Variants in ALDH7A1 observed in about 807,000 individuals in gnomAD.
ALDH7A1 encodes alpha-aminoadipic semialdehyde dehydrogenase.
A neutral mutation model predicts 79.9 loss-of-function variants in ALDH7A1; 63 were observed. That is an observed-to-expected ratio of 0.79 (90% CI 0.64 to 0.97). The LOEUF (loss-of-function observed/expected upper bound fraction) is 0.97. Among genes scored for constraint, ALDH7A1 ranks in the 50% least tolerant of loss-of-function variants. The pLI, the probability that ALDH7A1 is intolerant of heterozygous loss-of-function variation, is 0.00. For missense variants in ALDH7A1, 627 were observed against 665.2 expected (o/e 0.94, Z 0.63); for synonymous variants, 240 against 231.2 (o/e 1.04, Z -0.34).
chr5:126,589,738 G>A (rs1050208114), intron 3 of ALDH7A1, among the ~76,000 whole-genome samples: 1 of 151,426 alleles, frequency 6.6e-6, no homozygotes, highest in African/African-American at 2.4e-5. Context: ...CATCTGGGAA[G>A]TGAGGAGTGC....
intron 10 of ALDH7A1, among the ~76,000 whole-genome samples, chr5:126,559,920 A>G (rs919952862): frequency 1.3e-5 from 2 of 150,440 alleles, no homozygotes; most frequent in African/African-American, 4.9e-5. Flanking sequence ...TGGCCTCTTC[A>G]TCTTTTATTT....
chr5:126,560,326 C>T (rs893743885), intron 10 of ALDH7A1, among the ~76,000 whole-genome samples: 1 of 152,110 alleles, frequency 6.6e-6, no homozygotes, highest in African/African-American at 2.4e-5. Context: ...CAAAAAGTAG[C>T]TGGGCATGGT....
intron 17 of ALDH7A1, among the ~76,000 whole-genome samples, chr5:126,545,539 AG>A (rs1408481183): frequency 2.1e-5 from 3 of 144,692 alleles, no homozygotes; most frequent in African/African-American, 7.5e-5. Context: ...CTTGGATTAC[AG>A]GCATGAGCCA....
chr5:126,585,091 A>C (rs1751315380), intron 3 of ALDH7A1, among the ~76,000 whole-genome samples: 1 of 152,138 alleles, frequency 6.6e-6, no homozygotes, highest in Non-Finnish European at 1.5e-5. Flanking sequence ...TGGGGTCAGG[A>C]GTTCAAGACG....
rs1749653666 is a variant in ALDH7A1, at chr5:126,542,828, C to CACT, written c.*2134_*2136dup. On this transcript the variant is annotated 3_prime_UTR_variant, in exon 18 of 18. Transcript: ENST00000409134. ...TCTTCACCTGGAGGGCCTGCCTCCT[C>CACT]ACTGCTGCAGCCAGGAGCCAGGTCT... The CACT allele has an allele frequency of 6.6e-6, 1 of 152,210 alleles. No individual in the cohort carries two copies. Among genetic ancestry groups the CACT allele is most frequent in the Non-Finnish European group, 1.5e-5 (1 of 68,060 alleles). 9.4% of individuals were successfully genotyped at this position (152,210 alleles called of 1,614,324 possible).
At position 126,595,169 on chromosome 5, in the gene ALDH7A1, C is replaced by T. The variant is rs1245510614; in HGVS notation, c.30G>A (p.Val10=). Residue 10 remains valine (V), a synonymous_variant, in exon 1 of 18, where the codon GTG becomes GTA. Transcript: ENST00000409134. MWRLPRALC[V]HAAKTSKLSG... is the part of the protein sequence containing the mutation. Reference sequence around the variant, plus strand: ...AGAGCTTGCTGGTCTTTGCAGCGTGCACACACAGCGCGCGAGGAAGGCGCC... The same window carrying T: ...AGAGCTTGCTGGTCTTTGCAGCGTGTACACACAGCGCGCGAGGAAGGCGCC... The T allele has an allele frequency of 1.9e-6, 3 of 1,554,042 alleles. No individual in the cohort carries two copies. The highest frequency in any genetic ancestry group is 2.6e-6 in the Non-Finnish European group (3 of 1,148,212).
In ALDH7A1 at chr5:126,595,109, G is replaced by T; in HGVS notation, c.90C>A (p.Ser30=). Residue 30 remains serine (S), a synonymous_variant, in exon 1 of 18, where the codon TCC becomes TCA. Coordinates refer to ENST00000409134, the MANE Select transcript of ALDH7A1 (RefSeq NM_001182.5). ...GPWSRPAAFM[S]TLLINQPQYA... ...ACTGGGGCTGATTGATGAGGAGAGT[G>T]GACATGAAGGCGGCAGGCCTGCTCC... 6.3e-7 allele frequency: 1 copy of T among 1,590,584 alleles called. No homozygotes were observed. Among genetic ancestry groups the T allele is most frequent in the South Asian group, 1.1e-5 (1 of 87,482 alleles).
chr5:126,586,990 A>C (rs1278118251), intron 3 of ALDH7A1: 2 of 152,216 alleles, frequency 1.3e-5, no homozygotes, highest in Non-Finnish European at 2.9e-5. Flanking sequence ...GAGGCAGGAG[A>C]ATCACTTGAA....
intron 9 of ALDH7A1, among the ~76,000 whole-genome samples, chr5:126,567,141 T>C (rs1750610240): frequency 6.6e-6 from 1 of 152,242 alleles, no homozygotes; most frequent in Non-Finnish European, 1.5e-5. Flanking sequence ...CCTTCCTTTG[T>C]TCTCCTCTAC....
In ALDH7A1 at chr5:126,547,193, A is replaced by C. The variant is rs552356884; in HGVS notation, c.1490-794T>G. ...GGAGCTAGTGACAGCAGTAAATGGG[A>C]CTGGGATGGTGTCTCTTGGTTCCTC... On this transcript the variant is annotated intron_variant, in intron 16 of 17. Coordinates refer to ENST00000409134, the MANE Select transcript of ALDH7A1 (RefSeq NM_001182.5). Among the ~76,000 whole-genome samples, 11 of 152,354 alleles carry C rather than the reference A, an allele frequency of 7.2e-5. No homozygotes were observed. In the South Asian group the frequency reaches 2.3e-3, roughly 32 times the overall value.
chr5:126,547,947 G>A (rs1749847860), intron 16 of ALDH7A1, among the ~76,000 whole-genome samples: 1 of 151,798 alleles, frequency 6.6e-6, no homozygotes, highest in Non-Finnish European at 1.5e-5. Context: ...AGCTACTCAC[G>A]AGGTTGAGGC....
rs146115948 is a variant in ALDH7A1 at position 126,565,122 on chromosome 5, C to T, written c.871+3137G>A. 8.9e-4 allele frequency among the ~76,000 whole-genome samples: 135 copies of T among 152,198 alleles called. 1 individual carries two copies. In the East Asian group the frequency reaches 0.016, roughly 18 times the overall value. On this transcript the variant is annotated intron_variant, in intron 9 of 17. Transcript: ENST00000409134. ...TAAGATGTCTATTCTAGGCCTGGTGCGGTGGCTTATGCCTGTAATCCCAGC... is the reference window on the plus strand; with the variant it reads ...TAAGATGTCTATTCTAGGCCTGGTGTGGTGGCTTATGCCTGTAATCCCAGC...
At chr5:126,592,452 C>A (rs1331703862) in intron 3 of ALDH7A1, 9 of 589,068 alleles carry the variant, frequency 1.5e-5, no homozygotes, top group Non-Finnish European at 2.4e-5. Context: ...TTTATCCATT[C>A]AATGAATGGC....
chr5:126,563,648 G>A (rs768867079), intron 9 of ALDH7A1, among the ~76,000 whole-genome samples: 1 of 152,114 alleles, frequency 6.6e-6, no homozygotes, highest in South Asian at 2.1e-4. Context: ...GCACCATCAC[G>A]CCCAGCTCTT....
At chr5:126,551,280 C>T (rs1749987308) in intron 14 of ALDH7A1, among the ~76,000 whole-genome samples, 2 of 152,006 alleles carry the variant, frequency 1.3e-5, no homozygotes, top group Non-Finnish European at 2.9e-5. Flanking sequence ...CAAAACAAAA[C>T]TCCGCAGCCT....
At chr5:126,593,291 G>GTGT (rs1352865731) in intron 2 of ALDH7A1, 60 bp downstream of exon 2, 4 of 1,581,714 alleles carry the variant, frequency 2.5e-6, no homozygotes, top group Non-Finnish European at 3.4e-6. Context: ...CAAACTCCTT[G>GTGT]TGTATAATTT....
At chr5:126,582,610 G>A (rs1447937687) in intron 5 of ALDH7A1, among the ~76,000 whole-genome samples, 1 of 152,120 alleles carries the variant, frequency 6.6e-6, no homozygotes, top group Non-Finnish European at 1.5e-5. Context: ...TTACAGATGA[G>A]TTAAAAGTGT....
At chr5:126,593,217 CATTT>C (rs1751610535) in intron 2 of ALDH7A1, 130 bp downstream of exon 2, 1 of 1,413,512 alleles carries the variant, frequency 7.1e-7, no homozygotes, top group East Asian at 2.5e-5. Flanking sequence ...TTATTCTCTT[CATTT>C]GTGATTTTAT....
chr5:126,554,112 C>G (rs1325055484), intron 13 of ALDH7A1, among the ~76,000 whole-genome samples, 175 bp downstream of exon 13: 2 of 152,140 alleles, frequency 1.3e-5, no homozygotes, highest in South Asian at 2.1e-4. Context: ...GTCTCAAAAA[C>G]AGACAAACAA....
Sources: allele counts gnomAD v4.1 joint callset (sites outside exome capture counted in the v4.1 genomes callset), GRCh38; gene constraint gnomAD v4.1.1; transcripts MANE v1.5; gene names NCBI Gene and HGNC (gene_info 2026-07-23, HGNC 2026-07-21).